The following CARD14 variants were observed in gnomAD, a reference collection of about 807,000 sequenced individuals.
CARD14 encodes the protein caspase recruitment domain family member 14, also known as caspase recruitment domain-containing protein 14.
In CARD14, 107 loss-of-function variants were observed where a neutral mutation model predicts 111.5. The ratio of observed to expected loss-of-function variants is 0.96; its 90% CI spans 0.82 to 1.13. CARD14 has a LOEUF of 1.13. Ranked by LOEUF, CARD14 falls within the 50% of genes most tolerant of loss-of-function variation. The pLI is 0.00. For missense variants in CARD14, 1,322 were observed against 1,362.3 expected (o/e 0.97, Z 0.47); for synonymous variants, 617 against 579.6 (o/e 1.06, Z -0.93).
chr17:80,190,656 C>A (rs2040496146), intron 9 of CARD14, 118 bp from the exon 10 acceptor site: 4 of 1,084,616 alleles, frequency 3.7e-6, no homozygotes, highest in East Asian at 2.6e-5. Context: ...TGAGAATTGA[C>A]CTTATTTCAT....
Position 80,177,759 on chromosome 17 carries a change from G to A in CARD14, c.-366-749G>A, listed in dbSNP as rs1396044956. Among the ~76,000 whole-genome samples, 10 of 152,136 alleles carry A rather than the reference G, an allele frequency of 6.6e-5. No individual in the cohort carries two copies. In the East Asian group the frequency reaches 1.9e-3, roughly 29 times the overall value. On this transcript the variant is annotated intron_variant, in intron 2 of 23. Transcript: ENST00000648509. Reference sequence around the variant, plus strand: ...AAGGTCTCACTGTGTTGCCCAGGCTGGTCTCAAACTCCTGAGCTCAAGCAA... The same window carrying A: ...AAGGTCTCACTGTGTTGCCCAGGCTAGTCTCAAACTCCTGAGCTCAAGCAA...
rs141019658 is a variant in CARD14 at position 80,182,363 on chromosome 17, G to T, written c.212-290G>T. ...AAGCAGGGACCCACCTCCTCACCCC[G>T]TCCCGGTCCCCCCGCACTCGCCAGA... On this transcript the variant is annotated intron_variant, in intron 5 of 23. Coordinates refer to ENST00000648509, the MANE Select transcript of CARD14 (RefSeq NM_001366385.1). The surrounding 1 kb of genome is among the most constrained non-coding windows in gnomAD (Gnocchi z 4.7). Among the ~76,000 whole-genome samples, 953 of 152,286 alleles carry T rather than the reference G, an allele frequency of 6.3e-3. 7 individuals are homozygous for T. Among genetic ancestry groups the T allele is most frequent in the African/African-American group, 0.019 (797 of 41,560 alleles).
Position 80,198,035 on chromosome 17 carries a change from G to A in CARD14, c.1595-64G>A, listed in dbSNP as rs949752976. The A allele has an allele frequency of 3.9e-6, 6 of 1,530,870 alleles. No individual in the cohort carries two copies. Among genetic ancestry groups the A allele is most frequent in the Non-Finnish European group, 4.5e-6 (5 of 1,106,684 alleles). 94.8% of individuals were successfully genotyped at this position (1,530,870 alleles called of 1,614,324 possible). On this transcript the variant is annotated intron_variant, in intron 14 of 23. Coordinates refer to ENST00000648509, the MANE Select transcript of CARD14 (RefSeq NM_001366385.1). The surrounding 1 kb of genome is among the most constrained non-coding windows in gnomAD (Gnocchi z 7.5). ...TGAAGAAGGGGCTGAGGTTACAGGA[G>A]GTTACAGGACGCCCCATCAGCAGTG...
intron 12 of CARD14, among the ~76,000 whole-genome samples, chr17:80,193,895 C>T (rs577620835): frequency 2.0e-5 from 3 of 152,272 alleles, no homozygotes; most frequent in South Asian, 2.1e-4. Flanking sequence ...AGAGGCCAGC[C>T]GTGTTTCCCT....
At position 80,198,376 on chromosome 17, in the gene CARD14, GCCGGTCGTCTC is replaced by G; in HGVS notation, c.1659-18_1659-8del. 6.3e-7 allele frequency: 1 copy of G among 1,583,676 alleles called. No individual in the cohort carries two copies. The highest frequency in any genetic ancestry group is 1.2e-5 in the South Asian group (1 of 86,588). ...CTCTCCTGCTCTGGGCAGTGCACAA[GCCGGTCGTCTC>G]CCGGCCTGCAGCGGCGTCCTCATGC... On this transcript the variant is annotated splice_polypyrimidine_tract_variant and intron_variant, in intron 15 of 23. Coordinates refer to ENST00000648509, the MANE Select transcript of CARD14 (RefSeq NM_001366385.1). This position sits in a 1 kb window ranked among gnomAD's most constrained non-coding sequence, Gnocchi z 7.5.
At position 80,198,595 on chromosome 17, in the gene CARD14, A is replaced by G. The variant is rs2144351709; in HGVS notation, c.1851+4A>G. 6.2e-7 allele frequency: 1 copy of G among 1,611,564 alleles called. No individual in the cohort carries two copies. The highest frequency in any genetic ancestry group is 8.5e-7 in the Non-Finnish European group (1 of 1,179,388). On this transcript the variant is annotated splice_donor_region_variant and intron_variant, in intron 16 of 23. Coordinates refer to ENST00000648509, the MANE Select transcript of CARD14 (RefSeq NM_001366385.1). The surrounding 1 kb of genome is among the most constrained non-coding windows in gnomAD (Gnocchi z 7.5). The stretch of plus-strand genomic sequence containing the variant: ...CCCGGGCACCCAGATTGTGATGGTG[A>G]GCCGTGCGAGGCCCCTCCTGTCCCC...
At chr17:80,196,307 G>C (rs895912078) in intron 14 of CARD14, 1 of 152,250 alleles carries the variant, frequency 6.6e-6, no homozygotes, top group Non-Finnish European at 1.5e-5. Flanking sequence ...TGTGCCTTCT[G>C]TGGGTCGCAG....
At chr17:80,202,877 C>G (rs576102032) in intron 18 of CARD14, 20 of 169,572 alleles carry the variant, frequency 1.2e-4, no homozygotes, top group African/African-American at 4.7e-4. Flanking sequence ...GCACTGAAAG[C>G]CCCACTTGCA....
At position 80,198,904 on chromosome 17, in the gene CARD14, T is replaced by C; in HGVS notation, c.1851+313T>C. On this transcript the variant is annotated intron_variant, in intron 16 of 23. Coordinates refer to ENST00000648509, the MANE Select transcript of CARD14 (RefSeq NM_001366385.1). The surrounding 1 kb of genome is among the most constrained non-coding windows in gnomAD (Gnocchi z 7.5). ...TGTGTACAGTAAAATACACGTGACA[T>C]AAAATTCACTATTTTAACCACTGGG... 2 of 1,269,706 alleles carry C rather than the reference T, an allele frequency of 1.6e-6. No individual in the cohort carries two copies. Among genetic ancestry groups the C allele is most frequent in the Non-Finnish European group, 2.0e-6 (2 of 1,005,394 alleles). The allele number at this position is 1,269,706 out of a possible 1,614,324, so 78.7% of individuals were successfully genotyped here.
chr17:80,194,493 C>T (rs530440929), intron 12 of CARD14, among the ~76,000 whole-genome samples: 64 of 152,366 alleles, frequency 4.2e-4, no homozygotes, highest in Non-Finnish European at 7.2e-4. Context: ...TCCCTAGTCA[C>T]TAACTCAACC....
In CARD14 at chr17:80,207,055, C is replaced by T; in HGVS notation, c.2777C>T (p.Ser926Phe). 6.2e-7 allele frequency: 1 copy of T among 1,614,024 alleles called. No homozygotes were observed. Among genetic ancestry groups the T allele is most frequent in the Non-Finnish European group, 8.5e-7 (1 of 1,179,964 alleles). The stretch of plus-strand genomic sequence containing the variant: ...ATCTTCCCCATCGTCATCCACGTCT[C>T]TGTCAACGAGAAGATGGCAAAGAAG... ...MDIFPIVIHVSVNEKMAKKLK... is the reference protein window; with the variant it reads ...MDIFPIVIHVFVNEKMAKKLK... The change falls in exon 23 of 24, where the codon TCT becomes TTT. Residue 926 changes from serine to phenylalanine, a missense_variant. Physicochemically the swap from Ser to Phe is radical, Grantham distance 155 (BLOSUM62 -2). Transcript: ENST00000648509.
chr17:80,182,820 G>C lies in CARD14; in HGVS notation c.349+30G>C. ...GAGCTCCGACTTTGACGGTTTGGCAGGCACTTCTAGGAACCTCAGGCTCCT... is the reference window on the plus strand; with the variant it reads ...GAGCTCCGACTTTGACGGTTTGGCACGCACTTCTAGGAACCTCAGGCTCCT... On this transcript the variant is annotated intron_variant, in intron 6 of 23. Coordinates refer to ENST00000648509, the MANE Select transcript of CARD14 (RefSeq NM_001366385.1). This position sits in a 1 kb window ranked among gnomAD's most constrained non-coding sequence, Gnocchi z 4.7. 1 of 1,613,406 alleles carries C rather than the reference G, an allele frequency of 6.2e-7. No individual in the cohort carries two copies. Among genetic ancestry groups the C allele is most frequent in the Non-Finnish European group, 8.5e-7 (1 of 1,179,494 alleles).
At chr17:80,207,794 G>T (rs535176703) in intron 23 of CARD14, 2 of 268,326 alleles carry the variant, frequency 7.5e-6, no homozygotes, top group Admixed American at 5.3e-5. Context: ...AACCCCACCC[G>T]GCCTCAGCTC....
In CARD14 at chr17:80,195,523, T is replaced by C; in HGVS notation, c.1500-35T>C. 2 of 1,584,632 alleles carry C rather than the reference T, an allele frequency of 1.3e-6. No individual in the cohort carries two copies. Among genetic ancestry groups the C allele is most frequent in the South Asian group, 2.3e-5 (2 of 88,826 alleles). ...GTGGGGACTCAGAGGGAGCAGGTGA[T>C]GCAGTTTGAGCCTGCTGCTGCTTAT... On this transcript the variant is annotated intron_variant, in intron 13 of 23. Transcript: ENST00000648509. The surrounding 1 kb of genome is among the most constrained non-coding windows in gnomAD (Gnocchi z 4.7).
chr17:80,181,199 G>T (rs2040162121), intron 4 of CARD14, among the ~76,000 whole-genome samples: 1 of 152,086 alleles, frequency 6.6e-6, no homozygotes, highest in South Asian at 2.1e-4. Context: ...TAGAGCAGGT[G>T]GGGCCGTGGC....
At chr17:80,187,975 T>C in intron 7 of CARD14, 10 of 987,286 alleles carry the variant, frequency 1.0e-5, no homozygotes, top group Non-Finnish European at 1.2e-5. Flanking sequence ...CTTACTGATT[T>C]CCATGACTCC....
intron 2 of CARD14, among the ~76,000 whole-genome samples, chr17:80,176,120 T>TA (rs1233402343): frequency 2.0e-5 from 3 of 149,322 alleles, no homozygotes; most frequent in Non-Finnish European, 4.5e-5. Context: ...TTTTTTTTTT[T>TA]AAACAACTTT....
At position 80,208,465 on chromosome 17, in the gene CARD14, C is replaced by T. The variant is rs981676990; in HGVS notation, c.*120C>T. 5.3e-6 allele frequency: 5 copies of T among 935,160 alleles called. No homozygotes were observed. Among genetic ancestry groups the T allele is most frequent in the African/African-American group, 1.7e-5 (1 of 60,412 alleles). 57.9% of individuals were successfully genotyped at this position (935,160 alleles called of 1,614,324 possible). ...CTCCTTGGCACATGAGGCCGGCTCTCCCCACTGGCTGGGGTCTAACCTTGA... is the reference window on the plus strand; with the variant it reads ...CTCCTTGGCACATGAGGCCGGCTCTTCCCACTGGCTGGGGTCTAACCTTGA... On this transcript the variant is annotated 3_prime_UTR_variant, in exon 24 of 24. Coordinates refer to ENST00000648509, the MANE Select transcript of CARD14 (RefSeq NM_001366385.1).
intron 9 of CARD14, among the ~76,000 whole-genome samples, chr17:80,190,312 T>C (rs2040481327): frequency 6.6e-6 from 1 of 152,130 alleles, no homozygotes; most frequent in South Asian, 2.1e-4. Context: ...CCTCGAAATC[T>C]AGCACTTAAG....
Sources: gnomAD v4.1 joint callset for allele counts (sites outside exome capture counted in the v4.1 genomes callset) on GRCh38, gnomAD v4.1.1 for gene constraint, Gnocchi (gnomAD v3.1) non-coding constraint, MANE v1.5 for transcripts, NCBI Gene and HGNC (gene_info 2026-07-23, HGNC 2026-07-21) for gene names.